Variants in COL5A2 observed in about 807,000 individuals in gnomAD.
COL5A2 encodes collagen type V alpha 2 chain, also known as collagen alpha-2(V) chain.
A neutral mutation model predicts 208.2 loss-of-function variants in COL5A2; 23 were observed. That is an observed-to-expected ratio of 0.11 (90% CI 0.08 to 0.16). COL5A2 has a LOEUF of 0.16. COL5A2 is among the 10% of genes least tolerant of loss of function. COL5A2 has a pLI of 1.00. For missense variants in COL5A2, 1,590 were observed against 1,956.4 expected (o/e 0.81, Z 3.53); for synonymous variants, 625 against 628.5 (o/e 0.99, Z 0.08).
At chr2:189,374,476 GA>G in the COL5A2 span, among the ~76,000 whole-genome samples, 3 of 151,870 alleles carry the variant, frequency 2.0e-5, no homozygotes, top group Admixed American at 2.0e-4. Flanking sequence ...ATGACTGCTA[GA>G]GGACTAATTT....
intron 21 of COL5A2, 53 bp from the exon 22 acceptor site, chr2:189,066,835 T>C: frequency 7.3e-7 from 1 of 1,361,476 alleles, no homozygotes; most frequent in Non-Finnish European, 1.1e-6. Context: ...GCTAGTCCAA[T>C]CTGCTCAAAT....
At chr2:189,068,397 T>C in intron 19 of COL5A2, 127 bp from the exon 20 acceptor site, 1 of 818,442 alleles carries the variant, frequency 1.2e-6, no homozygotes. Context: ...CAACCACCAT[T>C]ATATCATAAA....
Position 189,066,429 on chromosome 2 carries a change from G to A in COL5A2, c.1524C>T (p.Asp508=), listed in dbSNP as rs530691194. The A allele has an allele frequency of 3.1e-6, 5 of 1,614,084 alleles. No individual in the cohort carries two copies. In the African/African-American group the frequency reaches 6.7e-5, roughly 22 times the overall value. The stretch of plus-strand genomic sequence containing the variant: ...GCCCTGGAGGACCAACTGTTCCTGG[G>A]TCACCTCTGGGACCTCTTTTGCCTT... ...GEEGKRGPRG[D]PGTVGPPGPV... is the part of the protein sequence containing the mutation. The change falls in exon 23 of 54, where the codon GAC becomes GAT. Residue 508 remains aspartate, a synonymous_variant. Transcript: ENST00000374866.
At chr2:189,358,758 C>T in the COL5A2 span, among the ~76,000 whole-genome samples, 1 of 152,082 alleles carries the variant, frequency 6.6e-6, no homozygotes, top group Non-Finnish European at 1.5e-5. Flanking sequence ...TTTCTTTCAT[C>T]AGTATTTTAT....
intron 14 of COL5A2, among the ~76,000 whole-genome samples, chr2:189,079,560 C>A (rs1443097454): frequency 6.6e-6 from 1 of 152,050 alleles, no homozygotes; most frequent in East Asian, 1.9e-4. Context: ...GATGTTTTTT[C>A]TCCCTGTAGA....
At chr2:189,161,845 G>A (rs1688370882) in intron 1 of COL5A2, among the ~76,000 whole-genome samples, 1 of 152,176 alleles carries the variant, frequency 6.6e-6, no homozygotes, top group Non-Finnish European at 1.5e-5. Context: ...GATTTATTGT[G>A]TGCTAAATGT....
intron 1 of COL5A2, among the ~76,000 whole-genome samples, chr2:189,148,439 G>A (rs1688082261): frequency 6.6e-6 from 1 of 152,088 alleles, no homozygotes; most frequent in African/African-American, 2.4e-5. Flanking sequence ...ATGAATCCAT[G>A]CAGAAGACAC....
At chr2:189,209,115 A>G (rs186984798) in intron 1 of COL5A2, among the ~76,000 whole-genome samples, 1 of 152,110 alleles carries the variant, frequency 6.6e-6, no homozygotes, top group Non-Finnish European at 1.5e-5. Context: ...TGTTCCCTGC[A>G]CTATATAGGT....
chr2:189,133,161 G>T (rs189158249), intron 1 of COL5A2: 1 of 125,926 alleles, frequency 7.9e-6, no homozygotes, highest in African/African-American at 3.1e-5. Context: ...TTGCTCTGTC[G>T]GCAGGCTGGA....
the COL5A2 span, among the ~76,000 whole-genome samples, chr2:189,348,424 A>G: frequency 1.3e-5 from 2 of 152,272 alleles, no homozygotes; most frequent in East Asian, 3.9e-4. Flanking sequence ...CAGATGTTTC[A>G]GCTGATGGAG....
intron 1 of COL5A2, among the ~76,000 whole-genome samples, chr2:189,147,573 A>G (rs1688064112): frequency 6.6e-6 from 1 of 152,154 alleles, no homozygotes; most frequent in Non-Finnish European, 1.5e-5. Flanking sequence ...TTGAAGATTG[A>G]ATCACCATGG....
upstream of COL5A2, among the ~76,000 whole-genome samples, chr2:189,180,199 C>A (rs917392711): frequency 3.3e-5 from 5 of 152,060 alleles, no homozygotes; most frequent in Non-Finnish European, 5.9e-5. Context: ...TTTAAACAAT[C>A]ACATTTTAAC....
At chr2:189,387,592 T>C in the COL5A2 span, among the ~76,000 whole-genome samples, 4 of 152,186 alleles carry the variant, frequency 2.6e-5, no homozygotes, top group Admixed American at 6.5e-5. Flanking sequence ...TTAGAATTTT[T>C]GCATCCAAGA....
At chr2:189,185,115 C>T (rs899561554) in intron 1 of COL5A2, among the ~76,000 whole-genome samples, 2 of 152,100 alleles carry the variant, frequency 1.3e-5, no homozygotes, top group African/African-American at 4.8e-5. Context: ...CCTCCGCCTC[C>T]CGGGTTCAAA....
chr2:189,038,025 AT>A (rs572918350), intron 51 of COL5A2, among the ~76,000 whole-genome samples: 39 of 152,050 alleles, frequency 2.6e-4, no homozygotes, highest in Admixed American at 3.9e-4. Context: ...ATTATAGTAC[AT>A]TTTTTTTAAA....
At chr2:189,413,247 T>C in the COL5A2 span, among the ~76,000 whole-genome samples, 1 of 152,204 alleles carries the variant, frequency 6.6e-6, no homozygotes, top group East Asian at 1.9e-4. Flanking sequence ...TTTCCCATTG[T>C]AGATATAATT....
chr2:189,356,322 TTGC>T, the COL5A2 span, among the ~76,000 whole-genome samples: 3 of 151,800 alleles, frequency 2.0e-5, no homozygotes, highest in South Asian at 4.1e-4. Flanking sequence ...CTGGCCAGTC[TTGC>T]TAGGTTGGGG....
At chr2:189,334,753 A>G in the COL5A2 span, among the ~76,000 whole-genome samples, 1 of 152,034 alleles carries the variant, frequency 6.6e-6, no homozygotes, top group East Asian at 1.9e-4. Flanking sequence ...TTGAACGACA[A>G]AGTATTAGAA....
chr2:189,289,030 A>G, the COL5A2 span, among the ~76,000 whole-genome samples: 2 of 152,188 alleles, frequency 1.3e-5, no homozygotes, highest in Non-Finnish European at 2.9e-5. Context: ...GTTTCAACAA[A>G]TTAGGTATAA....
Sources: allele counts gnomAD v4.1 joint callset (sites outside exome capture counted in the v4.1 genomes callset), GRCh38; gene constraint gnomAD v4.1.1; transcripts MANE v1.5; gene names NCBI Gene and HGNC (gene_info 2026-07-23, HGNC 2026-07-21).